The following JPT2 variants were observed in gnomAD, a reference collection of about 807,000 sequenced individuals.
The protein encoded by JPT2 is Jupiter microtubule associated homolog 2.
In JPT2, 9 loss-of-function variants were observed where a neutral mutation model predicts 15.9. That is an observed-to-expected ratio of 0.57 (90% CI 0.34 to 0.99). The LOEUF is 0.99. Among genes scored for constraint, JPT2 ranks in the 50% least tolerant of loss-of-function variants. JPT2 has a pLI of 0.02. For synonymous variants in JPT2, 95 were observed against 91.7 expected (o/e 1.04, Z -0.21); for missense variants, 267 against 252.1 (o/e 1.06, Z -0.40).
chr16:1,678,693 G>A (rs1435242902), intron 1 of JPT2, among the ~76,000 whole-genome samples: 1 of 152,150 alleles, frequency 6.6e-6, no homozygotes, highest in Non-Finnish European at 1.5e-5. Context: ...GGTGCGTTCC[G>A]TGGGGGGTTT....
chr16:1,683,404 C>G, intron 1 of JPT2: 1 of 727,172 alleles, frequency 1.4e-6, no homozygotes, highest in South Asian at 1.7e-5. Context: ...AGGTACTGCT[C>G]CCGGACAGCC....
chr16:1,684,850 G>T lies in JPT2; in HGVS notation c.45-589G>T, dbSNP rs1346725666. Among the ~76,000 whole-genome samples, 3 of 151,672 alleles carry T rather than the reference G, an allele frequency of 2.0e-5. No homozygotes were observed. The East Asian group carries it at 5.8e-4, about 29-fold the overall frequency. ...CACTTGAACCCAGGAGGCAGAGGTT[G>T]CAGTGAGCTGAGATCGTGCCACTGC... On this transcript the variant is annotated intron_variant, in intron 1 of 4. Transcript: ENST00000248098.
rs1567472876 is a variant in JPT2, at chr16:1,699,320, A to C, written c.*322A>C. On this transcript the variant is annotated 3_prime_UTR_variant, in exon 5 of 5. Coordinates refer to ENST00000248098, the MANE Select transcript of JPT2 (RefSeq NM_144570.3). ...CCTTGGATCAACAGCCCGCCAGCTGATTGGATGTCTAGGAATGACTGAAAG... is the reference window on the plus strand; with the variant it reads ...CCTTGGATCAACAGCCCGCCAGCTGCTTGGATGTCTAGGAATGACTGAAAG... 1 of 540,972 alleles carries C rather than the reference A, an allele frequency of 1.8e-6. No individual in the cohort carries two copies. The highest frequency in any genetic ancestry group is 3.5e-6 in the Non-Finnish European group (1 of 281,772). 33.5% of individuals were successfully genotyped at this position (540,972 alleles called of 1,614,324 possible).
intron 1 of JPT2, among the ~76,000 whole-genome samples, chr16:1,683,311 C>T (rs2037038994): frequency 6.6e-6 from 1 of 151,878 alleles, no homozygotes; most frequent in Non-Finnish European, 1.5e-5. Flanking sequence ...AGGGTCTCCC[C>T]ATATGCCCAG....
intron 1 of JPT2, chr16:1,680,455 T>G: frequency 9.7e-6 from 12 of 1,237,098 alleles, no homozygotes; most frequent in Non-Finnish European, 1.1e-5. Context: ...ACTCTTCCTT[T>G]TAGGATGGTG....
At chr16:1,697,907 C>T (rs1395576838) in intron 4 of JPT2, 47 bp downstream of exon 4, 12 of 1,533,056 alleles carry the variant, frequency 7.8e-6, no homozygotes, top group Non-Finnish European at 9.0e-7. Flanking sequence ...CTCATTATTT[C>T]TGGAAGAGTT....
chr16:1,686,938 A>C (rs1293683784), intron 2 of JPT2, among the ~76,000 whole-genome samples: 1 of 152,094 alleles, frequency 6.6e-6, no homozygotes, highest in East Asian at 1.9e-4. Flanking sequence ...TATTGACCAA[A>C]TGTAGAGGAA....
intron 2 of JPT2, among the ~76,000 whole-genome samples, chr16:1,687,492 C>G (rs1202866659): frequency 6.6e-6 from 1 of 152,150 alleles, no homozygotes; most frequent in East Asian, 1.9e-4. Flanking sequence ...GAGCCATTTC[C>G]AGGTGTATGA....
intron 2 of JPT2, among the ~76,000 whole-genome samples, chr16:1,687,477 T>G (rs1321196593): frequency 1.3e-5 from 2 of 152,222 alleles, no homozygotes; most frequent in African/African-American, 2.4e-5. Flanking sequence ...GATAGAATCC[T>G]ATCTGAGCCA....
chr16:1,682,052 A>G (rs985560807), intron 1 of JPT2, among the ~76,000 whole-genome samples: 2 of 152,248 alleles, frequency 1.3e-5, no homozygotes, highest in African/African-American at 2.4e-5. Context: ...AGACCCGTGC[A>G]TGTTTAGACC....
At chr16:1,683,433 G>A (rs1361960296) in intron 1 of JPT2, 3 of 951,264 alleles carry the variant, frequency 3.2e-6, no homozygotes, top group Non-Finnish European at 4.8e-6. Flanking sequence ...TTTAAGCTTG[G>A]TTATTGGTTA....
chr16:1,679,103 A>C (rs1217891302), intron 1 of JPT2, among the ~76,000 whole-genome samples: 1 of 152,016 alleles, frequency 6.6e-6, no homozygotes, highest in Non-Finnish European at 1.5e-5. Context: ...CTTTTAAAGC[A>C]CTCTTTGGGT....
rs1057364973 is a variant in JPT2, at chr16:1,701,762, A to G, written c.*2764A>G. On this transcript the variant is annotated 3_prime_UTR_variant, in exon 5 of 5. Transcript: ENST00000248098. The stretch of plus-strand genomic sequence containing the variant: ...AGTCCTGTCAAGAAAACAGGTGGGC[A>G]TGGTGGCTCAGGTCTGTAGTCTTTG... 18 of 168,102 alleles carry G rather than the reference A, an allele frequency of 1.1e-4. No homozygotes were observed. Among genetic ancestry groups the G allele is most frequent in the Non-Finnish European group, 2.6e-5 (2 of 76,826 alleles). The allele number at this position is 168,102 out of a possible 1,614,324, so 10.4% of individuals were successfully genotyped here.
intron 4 of JPT2, 35 bp downstream of exon 4, chr16:1,697,895 G>A (rs1431389737): frequency 6.3e-7 from 1 of 1,592,902 alleles, no homozygotes. Flanking sequence ...CTCCTGAGTG[G>A]CCTCATTATT....
chr16:1,682,390 G>T lies in JPT2; in HGVS notation c.45-3049G>T, dbSNP rs941169487. ...GACTCCATCTCAAAAAAATAAAATA[G>T]GCCGGACACAGTGGCTCATGCCTGT... On this transcript the variant is annotated intron_variant, in intron 1 of 4. Transcript: ENST00000248098. 2.6e-5 allele frequency among the ~76,000 whole-genome samples: 4 copies of T among 151,282 alleles called. No individual in the cohort carries two copies. In the Admixed American group the frequency reaches 2.6e-4, roughly 10 times the overall value.
At chr16:1,693,204 A>G (rs185588827) in intron 3 of JPT2, among the ~76,000 whole-genome samples, 13 of 152,150 alleles carry the variant, frequency 8.5e-5, no homozygotes, top group African/African-American at 1.2e-4. Context: ...GGTTCAAGCA[A>G]TTCTGCCTCA....
chr16:1,685,591 T>C lies in JPT2; in HGVS notation c.193+4T>C. On this transcript the variant is annotated splice_donor_region_variant and intron_variant, in intron 2 of 4. Coordinates refer to ENST00000248098, the MANE Select transcript of JPT2 (RefSeq NM_144570.3). ...CCCAAGAGGACAAATCCCCCAGGTA[T>C]GGGCCTTTGGAAATCCTTAATCCTT... 1.2e-6 allele frequency: 2 copies of C among 1,609,878 alleles called. No individual in the cohort carries two copies. The highest frequency in any genetic ancestry group is 1.7e-6 in the Non-Finnish European group (2 of 1,178,880).
At chr16:1,682,881 T>C (rs1471766028) in intron 1 of JPT2, among the ~76,000 whole-genome samples, 1 of 152,110 alleles carries the variant, frequency 6.6e-6, no homozygotes, top group East Asian at 1.9e-4. Flanking sequence ...GCAATCATGG[T>C]TCACTGCAGC....
In JPT2 at chr16:1,700,132, T is replaced by C. The variant is rs766039943; in HGVS notation, c.*1134T>C. Reference sequence around the variant, plus strand: ...AAGAAGAGCTGTGGAGGCCACCCTCTACAAAGCTTTATAGAACTTCTGGAT... The same window carrying C: ...AAGAAGAGCTGTGGAGGCCACCCTCCACAAAGCTTTATAGAACTTCTGGAT... On this transcript the variant is annotated 3_prime_UTR_variant, in exon 5 of 5. Coordinates refer to ENST00000248098, the MANE Select transcript of JPT2 (RefSeq NM_144570.3). 1.8e-5 allele frequency: 8 copies of C among 455,942 alleles called. No homozygotes were observed. In the East Asian group the frequency reaches 2.8e-4, roughly 16 times the overall value. The allele number at this position is 455,942 out of a possible 1,614,324, so 28.2% of individuals were successfully genotyped here.
Sources: gnomAD v4.1 joint callset for allele counts (sites outside exome capture counted in the v4.1 genomes callset) on GRCh38, gnomAD v4.1.1 for gene constraint, MANE v1.5 for transcripts, NCBI Gene and HGNC (gene_info 2026-07-23, HGNC 2026-07-21) for gene names.